Variants in TFR2 observed in about 807,000 individuals in gnomAD.
TFR2 encodes the protein transferrin receptor 2.
Under a neutral mutation model 91.9 loss-of-function variants are expected in TFR2, and 64 were observed. The ratio of observed to expected loss-of-function variants is 0.70; its 90% CI spans 0.57 to 0.86. The LOEUF is 0.86. TFR2 is among the 40% of genes least tolerant of loss of function. TFR2 has a pLI of 0.00. For synonymous variants in TFR2, 454 were observed against 459.6 expected, an observed-to-expected ratio of 0.99 and a Z score of 0.15; for missense variants, 950 against 1,080.5, an observed-to-expected ratio of 0.88 and a Z score of 1.69.
In TFR2 at chr7:100,627,751, C is replaced by T. The variant is rs1313583393; in HGVS notation, c.1675G>A (p.Ala559Thr). The T allele has an allele frequency of 1.2e-6, 2 of 1,613,874 alleles. No homozygotes were observed. Among genetic ancestry groups the T allele is most frequent in the Non-Finnish European group, 1.7e-6 (2 of 1,179,988 alleles). ...QVVFTNPSWD[A>T]EVIRPLPMDS... ...CCTACCCCCCCAACTTACACCTCAG[C>T]ATCCCAGCTGGGATTGGTGAACACC... is the stretch of plus-strand genomic sequence containing the variant. Residue 559 changes from alanine to threonine, a missense_variant, in exon 14 of 18, where the codon GCT (alanine) becomes ACT (threonine). By Grantham distance (58) the Ala-to-Thr change is moderately conservative. Transcript: ENST00000223051.
Position 100,627,340 on chromosome 7 carries a change from G to T in TFR2, c.1919C>A (p.Pro640His). 8 of 1,551,350 alleles carry T rather than the reference G, an allele frequency of 5.2e-6. No individual in the cohort carries two copies. The highest frequency in any genetic ancestry group is 7.0e-6 in the Non-Finnish European group (8 of 1,147,268). Residue 640 changes from proline (P) to histidine (H), a missense_variant, in exon 16 of 18, where the codon CCC (proline) becomes CAC (histidine). Physicochemically the swap from Pro to His is moderately conservative, Grantham distance 77 (BLOSUM62 -2). Transcript: ENST00000223051. Reference sequence around the variant, plus strand: ...GTCCCCGTAGCGGCCGAAGTCGAGGGGCAGCAGGCGATCGTGGCTGAGCCG... The same window carrying T: ...GTCCCCGTAGCGGCCGAAGTCGAGGTGCAGCAGGCGATCGTGGCTGAGCCG... The part of the protein sequence containing the change: ...LIRLSHDRLL[P>H]LDFGRYGDVV...
At position 100,631,832 on chromosome 7, in the gene TFR2, A is replaced by ACTGATGGG; in HGVS notation, c.1072_1079dup (p.Ala361ProfsTer11). ...TCAGCAGGCGGGAGGCAATGTCTGC[A>ACTGATGGG]CTGATGGGCTGGGCTGGGATGCTGG... is the stretch of plus-strand genomic sequence containing the variant. On this transcript the variant is annotated frameshift_variant, in exon 8 of 18. Transcript: ENST00000223051. LOFTEE classifies it high-confidence loss of function. The ACTGATGGG allele has an allele frequency of 6.2e-7, 1 of 1,613,494 alleles. No homozygotes were observed. Among genetic ancestry groups the ACTGATGGG allele is most frequent in the Non-Finnish European group, 8.5e-7 (1 of 1,179,772 alleles).
chr7:100,641,301 G>T, intron 1 of TFR2, 73 bp from the exon 2 acceptor site: 1 of 1,455,856 alleles, frequency 6.9e-7, no homozygotes, highest in South Asian at 1.2e-5. Context: ...CAATAATGAG[G>T]TCAGTGACTT....
Position 100,628,229 on chromosome 7 carries a change from G to C in TFR2, c.1468C>G (p.Leu490Val), listed in dbSNP as rs762935630. The C allele has an allele frequency of 1.2e-6, 2 of 1,609,826 alleles. No individual in the cohort carries two copies. The highest frequency in any genetic ancestry group is 1.7e-6 in the Non-Finnish European group (2 of 1,179,274). ...DFGSVGSTEW[L>V]EGYLSVLHLK... is the part of the protein sequence containing the mutation. Reference sequence around the variant, plus strand: ...TGCCCGGGACCCCGTATCACCTCTAGCCACTCCGTGGAGCCCACGCTTCCA... The same window carrying C: ...TGCCCGGGACCCCGTATCACCTCTACCCACTCCGTGGAGCCCACGCTTCCA... Residue 490 changes from leucine to valine, a missense_variant, in exon 11 of 18, where the codon CTA becomes GTA. By Grantham distance (32) the Leu-to-Val change is conservative. Transcript: ENST00000223051.
intron 17 of TFR2, among the ~76,000 whole-genome samples, chr7:100,621,833 G>T (rs1352235561): frequency 6.6e-6 from 1 of 152,092 alleles, no homozygotes; most frequent in Non-Finnish European, 1.5e-5. Context: ...CCTTGCTCCT[G>T]ACCTAATCTC....
chr7:100,634,463 C>G (rs992761437), intron 3 of TFR2, among the ~76,000 whole-genome samples: 5 of 152,070 alleles, frequency 3.3e-5, no homozygotes, highest in Admixed American at 6.6e-5. Context: ...CTGTGTTTCC[C>G]AAGCTGGTCT....
chr7:100,633,167 TTCGAGACCC>T (rs760861828), intron 5 of TFR2, 44 bp from the exon 6 acceptor site: 1 of 1,613,064 alleles, frequency 6.2e-7, no homozygotes, highest in South Asian at 1.1e-5. Context: ...GCGTCCCTCC[TTCGAGACCC>T]AGGAAAGGGC....
chr7:100,628,468 T>G (rs1293800406), intron 10 of TFR2, among the ~76,000 whole-genome samples, 162 bp from the exon 11 acceptor site: 1 of 150,392 alleles, frequency 6.6e-6, no homozygotes, highest in African/African-American at 2.4e-5. Flanking sequence ...GGTGCAATCA[T>G]GGCTCAATGT....
intron 9 of TFR2, among the ~76,000 whole-genome samples, chr7:100,630,231 C>CCTTCCTTT (rs1803394446): frequency 7.6e-6 from 1 of 131,210 alleles, no homozygotes; most frequent in South Asian, 2.4e-4. Context: ...TTCCTTCCTT[C>CCTTCCTTT]CTTTCTCTCT....
chr7:100,633,232 G>T lies in TFR2; in HGVS notation c.723C>A (p.Val241=). 5 of 1,613,800 alleles carry T rather than the reference G, an allele frequency of 3.1e-6. No homozygotes were observed. Among genetic ancestry groups the T allele is most frequent in the Non-Finnish European group, 4.2e-6 (5 of 1,179,890 alleles). Residue 241 remains valine (V), a synonymous_variant, in exon 5 of 18, where the codon GTC becomes GTA. Coordinates refer to ENST00000223051, the MANE Select transcript of TFR2 (RefSeq NM_003227.4). The stretch of plus-strand genomic sequence containing the variant: ...GGAGCGGGCAGGGGGTGCTCACCGT[G>T]ACGTTGCCGATGGCGCTGTAGGGGC... The part of the protein sequence containing the change: ...VYCPYSAIGN[V]TGELVYAHYG...
chr7:100,622,952 C>T (rs535998090), intron 17 of TFR2, among the ~76,000 whole-genome samples: 1 of 140,420 alleles, frequency 7.1e-6, no homozygotes, highest in Non-Finnish European at 1.5e-5. Context: ...GAGCAAGACT[C>T]TGTCTCAGAA....
In TFR2 at chr7:100,640,832, C is replaced by T. The variant is rs1218101263; in HGVS notation, c.327G>A (p.Gln109=). 1.9e-6 allele frequency: 3 copies of T among 1,614,062 alleles called. No individual in the cohort carries two copies. The highest frequency in any genetic ancestry group is 2.5e-6 in the Non-Finnish European group (3 of 1,180,040). Residue 109 remains glutamine (Q), a synonymous_variant, in exon 3 of 18, where the codon CAG becomes CAA. Transcript: ENST00000223051. ...LGYVAFRGSC[Q]ACGDSVLVVS... ...CCACCAACACAGAGTCTCCGCACGC[C>T]TGGCAGGACCCTCGGAAGGCGACGT... is the stretch of plus-strand genomic sequence containing the variant.
At position 100,620,906 on chromosome 7, in the gene TFR2, G is replaced by T; in HGVS notation, c.2357C>A (p.Ala786Glu). ...LALLTWTLQGAANALSGDVWN... is the reference protein window; with the variant it reads ...LALLTWTLQGEANALSGDVWN... ...GACATCCCCGCTAAGCGCATTGGCT[G>T]CCCCTTGCAGCGTCCAGGTGAGCAG... Residue 786 changes from alanine (A) to glutamate (E), a missense_variant, in exon 18 of 18, where the codon GCA becomes GAA. Coordinates refer to ENST00000223051, the MANE Select transcript of TFR2 (RefSeq NM_003227.4). 1.9e-6 allele frequency: 3 copies of T among 1,614,034 alleles called. No homozygotes were observed. The highest frequency in any genetic ancestry group is 2.2e-5 in the East Asian group (1 of 44,876).
chr7:100,641,513 T>C lies in TFR2; in HGVS notation c.-4A>G, dbSNP rs1158089204. 6.2e-7 allele frequency: 1 copy of C among 1,613,696 alleles called. No individual in the cohort carries two copies. The highest frequency in any genetic ancestry group is 1.3e-5 in the African/African-American group (1 of 74,860). ...ATAGACCCCAAAGCCGCTCCATGCT[T>C]GTGTCCCCTCCTGAAGCCTGCAGGC... On this transcript the variant is annotated 5_prime_UTR_variant, in exon 1 of 18. Transcript: ENST00000223051.
At chr7:100,635,662 C>A (rs375306000) in intron 3 of TFR2, among the ~76,000 whole-genome samples, 7 of 151,850 alleles carry the variant, frequency 4.6e-5, no homozygotes, top group African/African-American at 1.7e-4. Context: ...CAGTGTTTCA[C>A]CATGTTGGCC....
intron 3 of TFR2, 120 bp downstream of exon 3, chr7:100,640,566 T>C (rs568966942): frequency 2.6e-6 from 3 of 1,159,398 alleles, no homozygotes; most frequent in Non-Finnish European, 3.7e-6. Flanking sequence ...GGAAGGCAGA[T>C]GGGAGGACTC....
chr7:100,637,464 C>T (rs1006040775), intron 3 of TFR2, among the ~76,000 whole-genome samples: 7 of 151,946 alleles, frequency 4.6e-5, no homozygotes, highest in African/African-American at 9.7e-5. Context: ...CATGGTGGCT[C>T]ACGCCTGTAG....
chr7:100,628,935 T>G (rs1315909037), intron 10 of TFR2, among the ~76,000 whole-genome samples: 1 of 151,866 alleles, frequency 6.6e-6, no homozygotes, highest in Non-Finnish European at 1.5e-5. Flanking sequence ...CCTGGCTAAT[T>G]TTTGTATTTT....
At chr7:100,631,488 TG>T in intron 8 of TFR2, 19 of 317,010 alleles carry the variant, frequency 6.0e-5, no homozygotes, top group South Asian at 2.3e-4. Flanking sequence ...CCGGGCGTGG[TG>T]GGGGGGCACC....
Sources: allele counts gnomAD v4.1 joint callset (sites outside exome capture counted in the v4.1 genomes callset), GRCh38; gene constraint gnomAD v4.1.1; transcripts MANE v1.5; gene names NCBI Gene and HGNC (gene_info 2026-07-23, HGNC 2026-07-21).